The following PML variants were observed in gnomAD, a reference collection of about 807,000 sequenced individuals.
The protein encoded by PML is PML nuclear body scaffold.
In PML, 28 loss-of-function variants were observed where a neutral mutation model predicts 65.2. The observed-to-expected ratio is 0.43, with a 90% confidence interval of 0.32 to 0.59. The LOEUF (loss-of-function observed/expected upper bound fraction) is 0.59. Ranked by LOEUF, PML falls within the 20% of genes least tolerant of loss-of-function variation. PML has a pLI of 0.08. For synonymous variants in PML, 500 were observed against 508.8 expected (o/e 0.98, Z 0.23); for missense variants, 1,021 against 1,203.4 (o/e 0.85, Z 2.24).
rs2071781138 is a variant in PML at position 74,047,361 on chromosome 15, T to C, written c.*2353T>C. On this transcript the variant is annotated 3_prime_UTR_variant, in exon 9 of 9. Transcript: ENST00000268058. Reference sequence around the variant, plus strand: ...GGGTGAGCAGCCAGGTAATGGGAATTGATCAGTGCCACCACCCTTGACCCC... The same window carrying C: ...GGGTGAGCAGCCAGGTAATGGGAATCGATCAGTGCCACCACCCTTGACCCC... The C allele has an allele frequency of 8.7e-6, 2 of 230,836 alleles. No individual in the cohort carries two copies. Among genetic ancestry groups the C allele is most frequent in the Non-Finnish European group, 1.7e-5 (2 of 116,584 alleles). 14.3% of individuals were successfully genotyped at this position (230,836 alleles called of 1,614,324 possible).
At chr15:74,036,220 C>T (rs997939048) in intron 7 of PML, 1 of 1,556,566 alleles carries the variant, frequency 6.4e-7, no homozygotes, top group Non-Finnish European at 8.6e-7. Context: ...TTCTGTCACC[C>T]TTGCACTCTC....
intron 2 of PML, among the ~76,000 whole-genome samples, chr15:73,999,904 G>A (rs180780742): frequency 1.6e-4 from 24 of 147,960 alleles, no homozygotes; most frequent in Non-Finnish European, 2.8e-4. Flanking sequence ...GCGCGATCTC[G>A]GCTCACTGCA....
At chr15:74,036,720 C>T (rs1454346908) in intron 7 of PML, among the ~76,000 whole-genome samples, 2 of 152,192 alleles carry the variant, frequency 1.3e-5, no homozygotes, top group Non-Finnish European at 2.9e-5. Flanking sequence ...GATTTCTTCT[C>T]CCTGCTCAGG....
chr15:74,035,890 C>G lies in PML; in HGVS notation c.1710+1360C>G, dbSNP rs754125548. ...GCCTCTCCAATTACATTCCCACCAC[C>G]CTGTGCCCCAGAAAGGCCCCCCATC... On this transcript the variant is annotated intron_variant, in intron 7 of 8. Coordinates refer to ENST00000268058, the MANE Select transcript of PML (RefSeq NM_033238.3). The surrounding 1 kb of genome is among the most constrained non-coding windows in gnomAD (Gnocchi z 4.1). 6 of 1,613,744 alleles carry G rather than the reference C, an allele frequency of 3.7e-6. No individual in the cohort carries two copies. Among genetic ancestry groups the G allele is most frequent in the East Asian group, 4.5e-5 (2 of 44,842 alleles).
rs1308545934 is a variant in PML at position 74,044,217 on chromosome 15, C to T, written c.1862-4C>T. On this transcript the variant is annotated splice_polypyrimidine_tract_variant and splice_region_variant and intron_variant, in intron 8 of 8. Coordinates refer to ENST00000268058, the MANE Select transcript of PML (RefSeq NM_033238.3). ...TCCTCACCCTGCCCTTCTCTCCTGCCCAGCCCAGAAGATTAGCCAGCTGGC... is the reference window on the plus strand; with the variant it reads ...TCCTCACCCTGCCCTTCTCTCCTGCTCAGCCCAGAAGATTAGCCAGCTGGC... 6.2e-7 allele frequency: 1 copy of T among 1,613,646 alleles called. No individual in the cohort carries two copies. Among genetic ancestry groups the T allele is most frequent in the African/African-American group, 1.3e-5 (1 of 74,932 alleles).
intron 2 of PML, among the ~76,000 whole-genome samples, chr15:74,015,993 A>G (rs1398100701): frequency 6.6e-6 from 1 of 151,992 alleles, no homozygotes; most frequent in Non-Finnish European, 1.5e-5. Flanking sequence ...AAAATACACT[A>G]CTCGGCCAGG....
chr15:74,044,845 T>A lies in PML; in HGVS notation c.2486T>A (p.Leu829Gln). The change falls in exon 9 of 9, where the codon CTG becomes CAG. Residue 829 changes from leucine to glutamine, a missense_variant. Coordinates refer to ENST00000268058, the MANE Select transcript of PML (RefSeq NM_033238.3). ...GLKKYSRYLS[L>Q]QTTTLPPAQP... The stretch of plus-strand genomic sequence containing the variant: ...AAGAAGTACAGCCGCTATCTAAGCC[T>A]GCAGACCACCACGTTGCCCCCTGCC... 6.2e-7 allele frequency: 1 copy of A among 1,613,452 alleles called. No individual in the cohort carries two copies. The highest frequency in any genetic ancestry group is 8.5e-7 in the Non-Finnish European group (1 of 1,180,024).
At chr15:74,003,338 A>G (rs189400662) in intron 2 of PML, among the ~76,000 whole-genome samples, 2 of 151,994 alleles carry the variant, frequency 1.3e-5, no homozygotes, top group East Asian at 3.9e-4. Context: ...AGGCTGAGGT[A>G]GGAGAATTGC....
chr15:74,021,510 G>A (rs2070834088), intron 2 of PML, among the ~76,000 whole-genome samples: 1 of 152,010 alleles, frequency 6.6e-6, no homozygotes, highest in Admixed American at 6.6e-5. Context: ...GCTTGAACCC[G>A]GGAGGCAGAG....
At chr15:74,030,799 CT>C (rs952062340) in intron 4 of PML, among the ~76,000 whole-genome samples, 3 of 151,130 alleles carry the variant, frequency 2.0e-5, no homozygotes, top group Admixed American at 1.3e-4. Context: ...ACGGTACCTA[CT>C]TTTTTTTTAA....
At chr15:74,022,298 A>C (rs1206587544) in intron 2 of PML, among the ~76,000 whole-genome samples, 3 of 152,098 alleles carry the variant, frequency 2.0e-5, no homozygotes, top group Admixed American at 1.3e-4. Context: ...ATCAGCCCCC[A>C]AAATTATTGT....
Position 74,047,504 on chromosome 15 carries a change from T to C in PML, c.*2496T>C. ...CTGTGCTTCATCTTTGGACTATATCTCAGGTGTTTACGTGTCAACTAATGG... is the reference window on the plus strand; with the variant it reads ...CTGTGCTTCATCTTTGGACTATATCCCAGGTGTTTACGTGTCAACTAATGG... On this transcript the variant is annotated 3_prime_UTR_variant, in exon 9 of 9. Coordinates refer to ENST00000268058, the MANE Select transcript of PML (RefSeq NM_033238.3). 1 of 222,558 alleles carries C rather than the reference T, an allele frequency of 4.5e-6. No individual in the cohort carries two copies. The allele number at this position is 222,558 out of a possible 1,614,324, so 13.8% of individuals were successfully genotyped here. A position where few individuals can be genotyped will look rare whatever the true frequency, so the allele number is the denominator to read the frequency against.
intron 2 of PML, among the ~76,000 whole-genome samples, chr15:74,010,286 G>A (rs563001009): frequency 6.9e-6 from 1 of 145,772 alleles, no homozygotes; most frequent in Non-Finnish European, 1.5e-5. Context: ...ACCTGCCTGG[G>A]CCTCCCGAAG....
At chr15:74,030,991 T>C (rs2071297114) in intron 4 of PML, among the ~76,000 whole-genome samples, 2 of 152,298 alleles carry the variant, frequency 1.3e-5, no homozygotes, top group South Asian at 4.1e-4. Flanking sequence ...GAGGTCTTGC[T>C]ATGTTGCCTA....
At chr15:74,000,514 C>A (rs1310939293) in intron 2 of PML, among the ~76,000 whole-genome samples, 1 of 152,052 alleles carries the variant, frequency 6.6e-6, no homozygotes, top group Non-Finnish European at 1.5e-5. Flanking sequence ...CGACATTGCC[C>A]AGACTGGTCT....
chr15:74,025,281 G>T (rs906572690), intron 4 of PML: 11 of 360,204 alleles, frequency 3.1e-5, no homozygotes, highest in Non-Finnish European at 5.4e-5. Flanking sequence ...AACTATGGTT[G>T]TCAGATGTAT....
Position 74,037,868 on chromosome 15 carries a change from C to A in PML, c.1710+3338C>A. 3.8e-6 allele frequency: 1 copy of A among 265,998 alleles called. No homozygotes were observed. Among genetic ancestry groups the A allele is most frequent in the Non-Finnish European group, 5.8e-6 (1 of 172,280 alleles). 16.5% of individuals were successfully genotyped at this position (265,998 alleles called of 1,614,324 possible). On this transcript the variant is annotated intron_variant, in intron 7 of 8. Transcript: ENST00000268058. The surrounding 1 kb of genome is among the most constrained non-coding windows in gnomAD (Gnocchi z 4.2). Reference sequence around the variant, plus strand: ...CACGCCCCTGACTTCAGTTACTGCCCAGGGGTAGCTGATACCCAACACTCG... The same window carrying A: ...CACGCCCCTGACTTCAGTTACTGCCAAGGGGTAGCTGATACCCAACACTCG...
intron 7 of PML, 159 bp downstream of exon 7, chr15:74,034,689 G>A: frequency 6.4e-7 from 1 of 1,554,010 alleles, no homozygotes; most frequent in Non-Finnish European, 8.7e-7. Flanking sequence ...GTCTCCAAAT[G>A]ACAGCTGCAT....
intron 2 of PML, among the ~76,000 whole-genome samples, chr15:74,019,656 T>G (rs1028899734): frequency 6.6e-6 from 1 of 152,214 alleles, no homozygotes; most frequent in African/African-American, 2.4e-5. Context: ...TAGCATCTGA[T>G]ACACACATTT....
Sources: allele counts gnomAD v4.1 joint callset (sites outside exome capture counted in the v4.1 genomes callset), GRCh38; gene constraint gnomAD v4.1.1; non-coding constraint Gnocchi (gnomAD v3.1); transcripts MANE v1.5; gene names NCBI Gene and HGNC (gene_info 2026-07-23, HGNC 2026-07-21).